Variants in IRAK2 observed in about 807,000 individuals in gnomAD.
IRAK2 encodes the protein interleukin-1 receptor-associated kinase-like 2.
Under a neutral mutation model 72.0 loss-of-function variants are expected in IRAK2, and 57 were observed. That is an observed-to-expected ratio of 0.79 (90% CI 0.64 to 0.99). The LOEUF (loss-of-function observed/expected upper bound fraction) is 0.99. Among genes scored for constraint, IRAK2 ranks in the 50% least tolerant of loss-of-function variants. The pLI is 0.00. For synonymous variants in IRAK2, 293 were observed against 312.7 expected, an observed-to-expected ratio of 0.94 and a Z score of 0.67; for missense variants, 790 against 794.4, an observed-to-expected ratio of 0.99 and a Z score of 0.07.
chr3:10,200,001 C>G (rs1009762769), intron 2 of IRAK2, among the ~76,000 whole-genome samples: 2 of 151,562 alleles, frequency 1.3e-5, no homozygotes, highest in African/African-American at 4.9e-5. Flanking sequence ...GATTCTCCTG[C>G]CTCAGCCTCC....
At chr3:10,232,232 A>G (rs762469996) in intron 10 of IRAK2, among the ~76,000 whole-genome samples, 6 of 152,208 alleles carry the variant, frequency 3.9e-5, no homozygotes, top group East Asian at 3.8e-4. Flanking sequence ...CATTTGCCCT[A>G]TGTAGACAGA....
At chr3:10,168,078 T>C (rs556062792) in intron 1 of IRAK2, among the ~76,000 whole-genome samples, 1 of 152,356 alleles carries the variant, frequency 6.6e-6, no homozygotes, top group East Asian at 1.9e-4. Context: ...ATTACAGGTG[T>C]GAGCCACTGC....
chr3:10,214,787 A>G (rs1275126767), intron 6 of IRAK2, among the ~76,000 whole-genome samples: 1 of 152,016 alleles, frequency 6.6e-6, no homozygotes, highest in African/African-American at 2.4e-5. Flanking sequence ...TCAACTGAAA[A>G]AAATATATAT....
intron 3 of IRAK2, 53 bp from the exon 4 acceptor site, chr3:10,209,536 C>G: frequency 8.2e-7 from 1 of 1,223,932 alleles, no homozygotes; most frequent in Non-Finnish European, 1.1e-6. Context: ...ACCAGGATCC[C>G]TCCTGTCTTC....
intron 2 of IRAK2, among the ~76,000 whole-genome samples, chr3:10,188,015 G>A (rs1447481029): frequency 6.6e-6 from 1 of 152,188 alleles, no homozygotes; most frequent in Non-Finnish European, 1.5e-5. Flanking sequence ...AGGGGACTGT[G>A]GGCCGGGCTC....
intron 2 of IRAK2, among the ~76,000 whole-genome samples, chr3:10,185,824 C>T (rs568867335): frequency 2.0e-5 from 3 of 151,562 alleles, no homozygotes; most frequent in African/African-American, 7.3e-5. Flanking sequence ...TTGCAGTGAG[C>T]TGAGATTGTG....
intron 10 of IRAK2, among the ~76,000 whole-genome samples, chr3:10,229,689 A>G (rs1309942691): frequency 1.3e-5 from 2 of 152,194 alleles, no homozygotes; most frequent in Non-Finnish European, 2.9e-5. Flanking sequence ...ATTGCTGAAG[A>G]GTATTCCATT....
intron 12 of IRAK2, among the ~76,000 whole-genome samples, chr3:10,241,387 G>A (rs1347644409): frequency 1.3e-5 from 2 of 150,222 alleles, no homozygotes; most frequent in Non-Finnish European, 3.0e-5. Context: ...GTGAAACCCC[G>A]TCTCTACTAA....
At position 10,242,147 on chromosome 3, in the gene IRAK2, T is replaced by A; in HGVS notation, c.1797T>A (p.Asn599Lys). The A allele has an allele frequency of 7.4e-6, 12 of 1,612,998 alleles. No individual in the cohort carries two copies. The South Asian group carries it at 1.2e-4, about 16-fold the overall frequency. The change falls in exon 13 of 13, where the codon AAT becomes AAA. Residue 599 changes from asparagine to lysine, a missense_variant. Asn to Lys is a moderately conservative substitution (Grantham distance 94, BLOSUM62 0). Coordinates refer to ENST00000256458, the MANE Select transcript of IRAK2 (RefSeq NM_001570.4). ...AAACTTCGTGGCAAATTGAGATCAA[T>A]GAGGCCAAAAGGAAACTGATGGAGA... ...VTETSWQIEINEAKRKLMENI... is the reference protein window; with the variant it reads ...VTETSWQIEIKEAKRKLMENI...
In IRAK2 at chr3:10,242,213, G is replaced by C. The variant is rs1352309008; in HGVS notation, c.1863G>C (p.Glu621Asp). The C allele has an allele frequency of 6.2e-7, 1 of 1,608,072 alleles. No individual in the cohort carries two copies. The highest frequency in any genetic ancestry group is 1.7e-5 in the Admixed American group (1 of 59,926). ...LYKEEKVDSI[E>D]LFGP ...AAGAGGAAAAAGTGGACAGCATTGA[G>C]CTCTTTGGCCCCTGATGACCGGAAC... Residue 621 changes from glutamate to aspartate, a missense_variant, in exon 13 of 13, where the codon GAG becomes GAC. By Grantham distance (45) the Glu-to-Asp change is conservative. Coordinates refer to ENST00000256458, the MANE Select transcript of IRAK2 (RefSeq NM_001570.4).
chr3:10,170,738 G>C (rs1696782074), intron 1 of IRAK2, among the ~76,000 whole-genome samples: 1 of 152,210 alleles, frequency 6.6e-6, no homozygotes, highest in South Asian at 2.1e-4. Flanking sequence ...GCCTTGGTGT[G>C]GTGAGGATGC....
chr3:10,238,123 C>T (rs1697995201), intron 11 of IRAK2, among the ~76,000 whole-genome samples: 1 of 151,972 alleles, frequency 6.6e-6, no homozygotes, highest in South Asian at 2.1e-4. Flanking sequence ...CACACACACA[C>T]AGACATAGGG....
At chr3:10,188,860 C>T (rs1697127325) in intron 2 of IRAK2, among the ~76,000 whole-genome samples, 1 of 152,174 alleles carries the variant, frequency 6.6e-6, no homozygotes, top group African/African-American at 2.4e-5. Flanking sequence ...CAGGGTTTTG[C>T]CGTGTTGGCC....
chr3:10,209,594 T>C lies in IRAK2; in HGVS notation c.430T>C (p.Ser144Pro). The change falls in exon 4 of 13, where the codon TCT (serine) becomes CCT (proline). Residue 144 changes from serine (S) to proline (P), a missense_variant. Coordinates refer to ENST00000256458, the MANE Select transcript of IRAK2 (RefSeq NM_001570.4). ...CCATAGTCCCTCCTTTCCAGGGTCCTCTCCAGCCAGAGCCCACCAGCCGGC... is the reference window on the plus strand; with the variant it reads ...CCATAGTCCCTCCTTTCCAGGGTCCCCTCCAGCCAGAGCCCACCAGCCGGC... The part of the protein sequence containing the change: ...RMATFPGPGS[S>P]PARAHQPAFL... 1 of 1,553,100 alleles carries C rather than the reference T, an allele frequency of 6.4e-7. No homozygotes were observed. The highest frequency in any genetic ancestry group is 1.4e-5 in the African/African-American group (1 of 71,144).
intron 12 of IRAK2, among the ~76,000 whole-genome samples, chr3:10,241,619 G>T (rs371318322): frequency 6.8e-6 from 1 of 146,574 alleles, no homozygotes; most frequent in Non-Finnish European, 1.5e-5. Flanking sequence ...CTCACAGGCC[G>T]GGCGTGGTGG....
intron 2 of IRAK2, among the ~76,000 whole-genome samples, chr3:10,181,710 C>A (rs1468750817): frequency 1.3e-5 from 2 of 152,182 alleles, no homozygotes; most frequent in African/African-American, 4.8e-5. Context: ...AAAACCACAA[C>A]CTTGCATAAA....
At chr3:10,220,729 C>T (rs991890619) in intron 8 of IRAK2, among the ~76,000 whole-genome samples, 2 of 152,126 alleles carry the variant, frequency 1.3e-5, no homozygotes, top group African/African-American at 4.8e-5. Context: ...GTGAGAGCCA[C>T]CACCCCGGCT....
chr3:10,185,421 G>A (rs1324505171), intron 2 of IRAK2, among the ~76,000 whole-genome samples: 5 of 150,884 alleles, frequency 3.3e-5, no homozygotes, highest in African/African-American at 1.2e-4. Flanking sequence ...GCCGGGCGTG[G>A]TGGTGCATGC....
chr3:10,241,986 G>GAAA (rs56369677), intron 12 of IRAK2, 130 bp from the exon 13 acceptor site: 508 of 364,290 alleles, frequency 1.4e-3, no homozygotes, highest in Middle Eastern at 3.0e-3. Flanking sequence ...AAAAAAAAAA[G>GAAA]AAAAAAAAAA....
Sources: allele counts gnomAD v4.1 joint callset (sites outside exome capture counted in the v4.1 genomes callset), GRCh38; gene constraint gnomAD v4.1.1; transcripts MANE v1.5; gene names NCBI Gene and HGNC (gene_info 2026-07-23, HGNC 2026-07-21).